POU2F1: variants seen among roughly 807,000 people sequenced by gnomAD.
POU2F1 encodes POU class 2 homeobox 1, also known as POU domain, class 2, transcription factor 1.
POU2F1 carries 16 observed loss-of-function variants against 84.9 expected under a neutral mutation model. The observed-to-expected ratio is 0.19, with a 90% CI of 0.13 to 0.29. POU2F1 has a LOEUF of 0.29. Ranked by LOEUF, POU2F1 falls within the 10% of genes least tolerant of loss-of-function variation. POU2F1 has a pLI of 1.00. For missense variants in POU2F1, 738 were observed against 942.6 expected (o/e 0.78, Z 2.84); for synonymous variants, 368 against 368.3 (o/e 1.00, Z 0.01).
chr1:167,325,578 G>T (rs1656642968), intron 1 of POU2F1, among the ~76,000 whole-genome samples: 1 of 152,106 alleles, frequency 6.6e-6, no homozygotes, highest in Admixed American at 6.6e-5. Context: ...ATAAGATCAT[G>T]AATATAAAAA....
At chr1:167,236,579 G>C (rs1166815742) in intron 1 of POU2F1, among the ~76,000 whole-genome samples, 1 of 152,014 alleles carries the variant, frequency 6.6e-6, no homozygotes. Context: ...CTTTCGACGT[G>C]TGCCTGCCCC....
intron 1 of POU2F1, among the ~76,000 whole-genome samples, chr1:167,237,927 G>A (rs1649625196): frequency 6.6e-6 from 1 of 151,096 alleles, no homozygotes; most frequent in Admixed American, 6.6e-5. Flanking sequence ...TTACAAGTGC[G>A]TGCCACCGCA....
intron 1 of POU2F1, among the ~76,000 whole-genome samples, chr1:167,310,090 T>C (rs2102597469): frequency 6.6e-6 from 1 of 152,276 alleles, no homozygotes; most frequent in East Asian, 1.9e-4. Flanking sequence ...GATTTTTTCT[T>C]ATTAGAATGG....
intron 1 of POU2F1, among the ~76,000 whole-genome samples, chr1:167,302,183 TGCCTCA>T (rs1437495430): frequency 2.0e-5 from 3 of 151,992 alleles, no homozygotes; most frequent in South Asian, 4.2e-4. Context: ...GCGATTCTCC[TGCCTCA>T]GCCTCAGCCT....
intron 1 of POU2F1, among the ~76,000 whole-genome samples, chr1:167,240,536 A>G (rs1268010018): frequency 1.3e-5 from 2 of 152,320 alleles, no homozygotes; most frequent in South Asian, 4.1e-4. Flanking sequence ...GCTGTTCCTG[A>G]TTTAACACAC....
chr1:167,287,122 G>A (rs1050531727), intron 1 of POU2F1, among the ~76,000 whole-genome samples: 1 of 152,186 alleles, frequency 6.6e-6, no homozygotes, highest in Non-Finnish European at 1.5e-5. Flanking sequence ...CTTAGTAAAA[G>A]GGTAGGCTGG....
At chr1:167,283,521 G>C (rs914993564) in intron 1 of POU2F1, among the ~76,000 whole-genome samples, 6 of 152,182 alleles carry the variant, frequency 3.9e-5, no homozygotes, top group Non-Finnish European at 7.4e-5. Flanking sequence ...AGGATAAGAA[G>C]ATCAGAATTG....
At chr1:167,256,852 A>G (rs1046860747) in intron 1 of POU2F1, among the ~76,000 whole-genome samples, 1 of 152,202 alleles carries the variant, frequency 6.6e-6, no homozygotes, top group Non-Finnish European at 1.5e-5. Flanking sequence ...TGCACTGGTT[A>G]TAACTACACA....
intron 2 of POU2F1, among the ~76,000 whole-genome samples, chr1:167,335,696 A>G (rs1657401047): frequency 1.3e-5 from 2 of 152,328 alleles, no homozygotes; most frequent in South Asian, 4.1e-4. Context: ...GGCAGCAGCT[A>G]CTGTTCTTTG....
chr1:167,368,538 C>T (rs184953523), intron 3 of POU2F1, among the ~76,000 whole-genome samples: 21 of 152,172 alleles, frequency 1.4e-4, no homozygotes, highest in East Asian at 1.2e-3. Context: ...TACCCTGAAA[C>T]GTAATAAGTA....
intron 1 of POU2F1, among the ~76,000 whole-genome samples, chr1:167,273,739 A>T (rs1290716002): frequency 6.6e-6 from 1 of 152,236 alleles, no homozygotes; most frequent in Non-Finnish European, 1.5e-5. Flanking sequence ...AGGCTTCTGT[A>T]TGAAAAGCTA....
At position 167,425,171 on chromosome 1, in the gene POU2F1, A is replaced by G. The variant is rs1376128318; in HGVS notation, c.*9361A>G. ...TCAATTCCCACCCCTAATGCTGACAAAAAGCTTAGCCAGGTCATGATACTG... is the reference window on the plus strand; with the variant it reads ...TCAATTCCCACCCCTAATGCTGACAGAAAGCTTAGCCAGGTCATGATACTG... On this transcript the variant is annotated 3_prime_UTR_variant, in exon 16 of 16. Transcript: ENST00000367866. 6.6e-6 allele frequency: 1 copy of G among 152,104 alleles called. No homozygotes were observed. Among genetic ancestry groups the G allele is most frequent in the Admixed American group, 6.5e-5 (1 of 15,280 alleles). 9.4% of individuals were successfully genotyped at this position (152,104 alleles called of 1,614,324 possible). A position where few individuals can be genotyped will look rare whatever the true frequency, so the allele number is the denominator to read the frequency against.
chr1:167,241,814 G>A (rs1402355165), intron 1 of POU2F1, among the ~76,000 whole-genome samples: 1 of 152,114 alleles, frequency 6.6e-6, no homozygotes, highest in East Asian at 1.9e-4. Flanking sequence ...AACGAAGTTA[G>A]GTAATTTCAA....
intron 1 of POU2F1, among the ~76,000 whole-genome samples, chr1:167,323,688 C>CCATT (rs1553208233): frequency 7.2e-5 from 11 of 152,022 alleles, no homozygotes; most frequent in Admixed American, 6.5e-4. Context: ...TTTAATCACA[C>CCATT]TATTTATTTA....
intron 12 of POU2F1, among the ~76,000 whole-genome samples, 180 bp downstream of exon 12, chr1:167,399,545 GTC>G (rs1183907984): frequency 6.6e-6 from 1 of 151,982 alleles, no homozygotes; most frequent in African/African-American, 2.4e-5. Flanking sequence ...CTCTTTCCTT[GTC>G]TCTCGTGCTC....
At chr1:167,400,864 G>A (rs766102337) in intron 12 of POU2F1, among the ~76,000 whole-genome samples, 1 of 152,206 alleles carries the variant, frequency 6.6e-6, no homozygotes, top group Non-Finnish European at 1.5e-5. Flanking sequence ...GGTTGTAGTT[G>A]TTAAATGGTG....
intron 13 of POU2F1, among the ~76,000 whole-genome samples, chr1:167,409,926 G>A (rs1431526620): frequency 6.6e-6 from 1 of 152,164 alleles, no homozygotes; most frequent in Non-Finnish European, 1.5e-5. Context: ...GCATGGAAGA[G>A]AAATAAAAGA....
At chr1:167,394,775 C>T (rs1005844348) in intron 9 of POU2F1, among the ~76,000 whole-genome samples, 1 of 152,186 alleles carries the variant, frequency 6.6e-6, no homozygotes, top group Non-Finnish European at 1.5e-5. Context: ...CAATATTTCT[C>T]ATCTGTTAAA....
chr1:167,392,319 A>G (rs1263241119), intron 9 of POU2F1, among the ~76,000 whole-genome samples: 1 of 151,350 alleles, frequency 6.6e-6, no homozygotes, highest in Non-Finnish European at 1.5e-5. Context: ...GCCACTGCAC[A>G]CCAGCTTTGG....
Sources: allele counts gnomAD v4.1 joint callset (sites outside exome capture counted in the v4.1 genomes callset), GRCh38; gene constraint gnomAD v4.1.1; transcripts MANE v1.5; gene names NCBI Gene and HGNC (gene_info 2026-07-23, HGNC 2026-07-21).